Variants in OR9Q1 observed in about 807,000 individuals in gnomAD.
OR9Q1 encodes the protein olfactory receptor family 9 subfamily Q member 1.
For synonymous variants in OR9Q1, 153 were observed against 148.6 expected, an observed-to-expected ratio of 1.03 and a Z score of -0.22; for missense variants, 374 against 378.8, an observed-to-expected ratio of 0.99 and a Z score of 0.11.
At chr11:58,062,125 G>A (rs1393044618) in intron 2 of OR9Q1, among the ~76,000 whole-genome samples, 1 of 152,170 alleles carries the variant, frequency 6.6e-6, no homozygotes, top group Non-Finnish European at 1.5e-5. Context: ...CTTTCAACGT[G>A]ACCAACATTG....
chr11:58,114,994 A>G (rs1853937472), intron 2 of OR9Q1, among the ~76,000 whole-genome samples: 1 of 152,070 alleles, frequency 6.6e-6, no homozygotes, highest in Non-Finnish European at 1.5e-5. Context: ...CACATGGCTT[A>G]CCTGTCCGTA....
At chr11:58,124,660 A>G (rs1854070964) in intron 2 of OR9Q1, 1 of 152,190 alleles carries the variant, frequency 6.6e-6, no homozygotes, top group Non-Finnish European at 1.5e-5. Flanking sequence ...ACATAATGAG[A>G]GAGAAATATT....
In OR9Q1 at chr11:58,031,144, C is replaced by T. The variant is rs1434670988; in HGVS notation, c.-93+7040C>T. On this transcript the variant is annotated intron_variant, in intron 1 of 2. Transcript: ENST00000335397. ...GACTACGGAGACCCATGTATTTCTT[C>T]CTGACACACTTGTCCTGCCTTGAAA... is the stretch of plus-strand genomic sequence containing the variant. 5.6e-6 allele frequency: 9 copies of T among 1,614,074 alleles called. No individual in the cohort carries two copies. In the South Asian group the frequency reaches 6.6e-5, roughly 12 times the overall value.
At chr11:58,109,236 C>G (rs1485107725) in intron 2 of OR9Q1, 1 of 464,398 alleles carries the variant, frequency 2.2e-6, no homozygotes, top group South Asian at 1.5e-5. Context: ...CCAAAAAGAC[C>G]CTGCAGGTAC....
chr11:58,116,088 A>G (rs1477943234), intron 2 of OR9Q1, among the ~76,000 whole-genome samples: 3 of 152,198 alleles, frequency 2.0e-5, no homozygotes, highest in African/African-American at 7.2e-5. Context: ...GCCCGAGGAT[A>G]GGCAGCCCAG....
chr11:58,135,876 A>C (rs1429147139), intron 2 of OR9Q1, among the ~76,000 whole-genome samples: 2 of 152,200 alleles, frequency 1.3e-5, no homozygotes, highest in African/African-American at 4.8e-5. Context: ...CACTTACTGA[A>C]ATCCCTTGCA....
chr11:58,070,376 C>T (rs2441976), intron 2 of OR9Q1, among the ~76,000 whole-genome samples: 24,170 of 151,842 alleles, frequency 0.16, 3,351 homozygotes, highest in African/African-American at 0.35. Flanking sequence ...TACTTTTCCC[C>T]CCTCTAATAG....
intron 2 of OR9Q1, among the ~76,000 whole-genome samples, chr11:58,069,597 G>C (rs1296930291): frequency 6.6e-6 from 1 of 152,148 alleles, no homozygotes; most frequent in South Asian, 2.1e-4. Flanking sequence ...CCTCAGGCTG[G>C]GCGCCATGGC....
chr11:58,120,418 A>G (rs1211537354), intron 2 of OR9Q1, among the ~76,000 whole-genome samples: 1 of 152,104 alleles, frequency 6.6e-6, no homozygotes, highest in Non-Finnish European at 1.5e-5. Flanking sequence ...TTTTAAGGAA[A>G]AGAAAATTTA....
At chr11:58,141,932 A>G (rs1198909518) in intron 2 of OR9Q1, among the ~76,000 whole-genome samples, 3 of 152,174 alleles carry the variant, frequency 2.0e-5, no homozygotes, top group Non-Finnish European at 2.9e-5. Flanking sequence ...GTTGCCTGGA[A>G]CATGTCTCCC....
intron 2 of OR9Q1, among the ~76,000 whole-genome samples, chr11:58,069,299 G>A (rs1853463494): frequency 6.6e-6 from 1 of 152,128 alleles, no homozygotes; most frequent in South Asian, 2.1e-4. Context: ...GGAGGCCCCA[G>A]TGGGTGTTTC....
intron 2 of OR9Q1, among the ~76,000 whole-genome samples, chr11:58,115,001 C>T (rs716945): frequency 0.39 from 58,624 of 151,976 alleles, 12,299 homozygotes; most frequent in East Asian, 0.64. Flanking sequence ...CTTACCTGTC[C>T]GTACTATTCT....
intron 2 of OR9Q1, among the ~76,000 whole-genome samples, chr11:58,105,022 T>G (rs1165990031): frequency 6.6e-6 from 1 of 152,174 alleles, no homozygotes. Flanking sequence ...AACAATTCTT[T>G]CAAGTAGGAA....
At chr11:58,140,558 G>A (rs556889128) in intron 2 of OR9Q1, among the ~76,000 whole-genome samples, 2 of 152,204 alleles carry the variant, frequency 1.3e-5, no homozygotes, top group African/African-American at 4.8e-5. Context: ...TTTCCCCATT[G>A]CTTGTTTTTG....
intron 2 of OR9Q1, chr11:58,109,735 T>TCGG: frequency 1.4e-5 from 5 of 360,096 alleles, no homozygotes; most frequent in Admixed American, 7.2e-5. Context: ...TTTGCTTTCT[T>TCGG]CAGCGTCAGA....
At chr11:58,045,915 A>G (rs1853212002) in intron 1 of OR9Q1, among the ~76,000 whole-genome samples, 2 of 152,188 alleles carry the variant, frequency 1.3e-5, no homozygotes, top group South Asian at 4.1e-4. Context: ...TAGGGCATTT[A>G]GCAGCAACCT....
intron 2 of OR9Q1, chr11:58,119,152 G>T (rs147846129): frequency 1.2e-6 from 2 of 1,614,030 alleles, no homozygotes; most frequent in South Asian, 2.2e-5. Context: ...GAACTGGGCA[G>T]CACAGTGGCC....
intron 2 of OR9Q1, among the ~76,000 whole-genome samples, chr11:58,104,097 T>C (rs906257128): frequency 6.6e-6 from 1 of 152,200 alleles, no homozygotes; most frequent in African/African-American, 2.4e-5. Context: ...CCAAACTCAA[T>C]TAATCAGAAT....
At chr11:58,154,309 C>A (rs1027483146) in intron 2 of OR9Q1, among the ~76,000 whole-genome samples, 1 of 151,694 alleles carries the variant, frequency 6.6e-6, no homozygotes, top group Admixed American at 6.6e-5. Context: ...GACACAAGGT[C>A]TTCTGCAGGC....
Sources: allele counts gnomAD v4.1 joint callset (sites outside exome capture counted in the v4.1 genomes callset), GRCh38; gene constraint gnomAD v4.1.1; transcripts MANE v1.5; gene names NCBI Gene and HGNC (gene_info 2026-07-23, HGNC 2026-07-21).